The following RCSD1 variants were observed in gnomAD, a reference collection of about 807,000 sequenced individuals.
RCSD1 encodes capZ-interacting protein.
A neutral mutation model predicts 42.5 loss-of-function variants in RCSD1; 26 were observed. The ratio of observed to expected loss-of-function variants is 0.61; its 90% confidence interval spans 0.45 to 0.85. The LOEUF (loss-of-function observed/expected upper bound fraction) is 0.85. Among genes scored for constraint, RCSD1 ranks in the 40% least tolerant of loss-of-function variants. The probability of loss-of-function intolerance (pLI) is 0.00; values close to 1 mark genes in which losing one functional copy is unlikely to be tolerated. For missense variants in RCSD1, 571 were observed against 528.3 expected (o/e 1.08, Z -0.79); for synonymous variants, 220 against 212.2 (o/e 1.04, Z -0.32).
intron 3 of RCSD1, among the ~76,000 whole-genome samples, chr1:167,687,140 C>T (rs1031752140): frequency 5.9e-5 from 9 of 152,160 alleles, no homozygotes; most frequent in African/African-American, 1.7e-4. Flanking sequence ...AGTCCAAGGG[C>T]GGATTTTAGA....
chr1:167,649,974 C>A (rs958740694), intron 1 of RCSD1, among the ~76,000 whole-genome samples: 4 of 152,108 alleles, frequency 2.6e-5, no homozygotes, highest in Non-Finnish European at 5.9e-5. Context: ...GGGAACCAAG[C>A]AAGTGTTAAC....
intron 3 of RCSD1, 38 bp downstream of exon 3, chr1:167,685,548 G>A (rs1659213201): frequency 7.7e-6 from 12 of 1,562,248 alleles, no homozygotes; most frequent in Non-Finnish European, 1.1e-5. Flanking sequence ...ATGCTGTGAT[G>A]GGTTTTCTTT....
Position 167,698,925 on chromosome 1 carries a change from G to A in RCSD1, c.1218+1083G>A, listed in dbSNP as rs146664637. ...CGCCATTCTCCTGCCTCAGCCTCCC[G>A]AGTAGCTGGGACCACAGGCGCCCGC... On this transcript the variant is annotated intron_variant, in intron 6 of 6. Transcript: ENST00000367854. Among the ~76,000 whole-genome samples, 1,310 of 151,836 alleles carry A rather than the reference G, an allele frequency of 8.6e-3. 22 individuals carry two copies. Among genetic ancestry groups the A allele is most frequent in the African/African-American group, 0.028 (1,147 of 41,394 alleles).
chr1:167,640,938 T>C (rs944100810), intron 1 of RCSD1, among the ~76,000 whole-genome samples: 5 of 152,198 alleles, frequency 3.3e-5, no homozygotes, highest in South Asian at 2.1e-4. Flanking sequence ...AACTTGGGGA[T>C]TGGAGGAGTG....
chr1:167,672,307 T>C (rs960540306), intron 1 of RCSD1, among the ~76,000 whole-genome samples: 26 of 152,226 alleles, frequency 1.7e-4, no homozygotes, highest in African/African-American at 6.3e-4. Flanking sequence ...TGCAAATACT[T>C]GACCGACTGA....
intron 1 of RCSD1, 44 bp downstream of exon 1, chr1:167,630,473 T>C (rs371440832): frequency 7.2e-5 from 109 of 1,509,024 alleles, no homozygotes; most frequent in Non-Finnish European, 9.3e-5. Context: ...CGGTGAGCGG[T>C]GTATCGGGCG....
At chr1:167,689,904 T>G in intron 3 of RCSD1, 145 bp from the exon 4 acceptor site, 1 of 712,908 alleles carries the variant, frequency 1.4e-6, no homozygotes, top group Non-Finnish European at 2.4e-6. Flanking sequence ...GCCCAGGCCC[T>G]AATGAAGTAT....
intron 3 of RCSD1, among the ~76,000 whole-genome samples, chr1:167,688,328 G>A (rs1266651867): frequency 6.6e-6 from 1 of 152,110 alleles, no homozygotes; most frequent in African/African-American, 2.4e-5. Flanking sequence ...CAAAATTGTT[G>A]CTGCAGTTTC....
At chr1:167,672,761 G>A (rs183537503) in intron 1 of RCSD1, among the ~76,000 whole-genome samples, 12 of 152,288 alleles carry the variant, frequency 7.9e-5, no homozygotes, top group African/African-American at 2.6e-4. Flanking sequence ...CAGGGACTAG[G>A]ATGAGGACAT....
Position 167,653,334 on chromosome 1 carries a change from C to T in RCSD1, c.6+22905C>T, listed in dbSNP as rs143780455. ...TAATTTTCCTTAGCAAGCTTCTACCCTGGCAGCCCTTGCCTCCACAAAATC... is the reference window on the plus strand; with the variant it reads ...TAATTTTCCTTAGCAAGCTTCTACCTTGGCAGCCCTTGCCTCCACAAAATC... On this transcript the variant is annotated intron_variant, in intron 1 of 6. Coordinates refer to ENST00000367854, the MANE Select transcript of RCSD1 (RefSeq NM_052862.4). Among the ~76,000 whole-genome samples, 1,305 of 152,334 alleles carry T rather than the reference C, an allele frequency of 8.6e-3. 14 individuals carry two copies. The highest frequency in any genetic ancestry group is 0.03 in the African/African-American group (1,249 of 41,574).
chr1:167,644,501 A>C (rs1658084601), intron 1 of RCSD1, among the ~76,000 whole-genome samples: 1 of 149,602 alleles, frequency 6.7e-6, no homozygotes, highest in African/African-American at 2.5e-5. Flanking sequence ...ACATACATAC[A>C]TACATACATA....
At chr1:167,694,002 T>A (rs1390290607) in intron 4 of RCSD1, 97 bp from the exon 5 acceptor site, 2 of 1,165,494 alleles carry the variant, frequency 1.7e-6, no homozygotes, top group East Asian at 4.7e-5. Context: ...TGTTACCTAG[T>A]CTCAACCAGG....
chr1:167,689,566 TC>T (rs1659324662), intron 3 of RCSD1, among the ~76,000 whole-genome samples: 1 of 151,856 alleles, frequency 6.6e-6, no homozygotes, highest in South Asian at 2.1e-4. Flanking sequence ...AATCATGCCA[TC>T]GATGGGATTT....
At chr1:167,666,000 C>T (rs950364456) in intron 1 of RCSD1, among the ~76,000 whole-genome samples, 5 of 152,062 alleles carry the variant, frequency 3.3e-5, no homozygotes, top group African/African-American at 9.7e-5. Context: ...TTAGTCGAGA[C>T]GGGGTTTGGC....
At chr1:167,651,629 TCC>T (rs1257580837) in intron 1 of RCSD1, among the ~76,000 whole-genome samples, 1 of 152,216 alleles carries the variant, frequency 6.6e-6, no homozygotes, top group Non-Finnish European at 1.5e-5. Context: ...GGCCTGTTGC[TCC>T]TGCTGGTCCC....
At chr1:167,658,235 A>T (rs28641715) in intron 1 of RCSD1, among the ~76,000 whole-genome samples, 2,230 of 152,322 alleles carry the variant, frequency 0.015, 52 homozygotes, top group African/African-American at 0.051. Flanking sequence ...TCTGTAGGAT[A>T]CTTTACATTC....
chr1:167,704,683 A>C lies in RCSD1; in HGVS notation c.1238A>C (p.Asp413Ala), dbSNP rs1381677512. 1 of 1,612,962 alleles carries C rather than the reference A, an allele frequency of 6.2e-7. No homozygotes were observed. Among genetic ancestry groups the C allele is most frequent in the Non-Finnish European group, 8.5e-7 (1 of 1,179,234 alleles). ...TCACAGGATGACACTCCTGTCCAGG[A>C]CACTAAAATGTGAAGAACAGCTCAT... ...PKPEDDTPVQ[D>A]TKM The change falls in exon 7 of 7, where the codon GAC becomes GCC. Residue 413 changes from aspartate to alanine, a missense_variant. Asp to Ala is a moderately radical substitution (Grantham distance 126). Coordinates refer to ENST00000367854, the MANE Select transcript of RCSD1 (RefSeq NM_052862.4).
At position 167,683,976 on chromosome 1, in the gene RCSD1, G is replaced by A; in HGVS notation, c.83G>A (p.Arg28Lys). 2.5e-6 allele frequency: 4 copies of A among 1,613,968 alleles called. No individual in the cohort carries two copies. Among genetic ancestry groups the A allele is most frequent in the Non-Finnish European group, 3.4e-6 (4 of 1,180,030 alleles). The change falls in exon 2 of 7, where the codon AGG becomes AAG. Residue 28 changes from arginine (R) to lysine (K), a missense_variant. Coordinates refer to ENST00000367854, the MANE Select transcript of RCSD1 (RefSeq NM_052862.4). ...GTGGCCCAGCTGGCCGGGCGGTTTAGGGAGCAGGCGGCTGCAGCCAAGGAG... is the reference window on the plus strand; with the variant it reads ...GTGGCCCAGCTGGCCGGGCGGTTTAAGGAGCAGGCGGCTGCAGCCAAGGAG... ...PSVAQLAGRF[R>K]EQAAAAKETP...
At chr1:167,665,817 CTT>C (rs142368868) in intron 1 of RCSD1, among the ~76,000 whole-genome samples, 3 of 145,746 alleles carry the variant, frequency 2.1e-5, no homozygotes, top group Admixed American at 6.8e-5. Flanking sequence ...TGATGAGCAC[CTT>C]TTTTTTTTTT....
Sources: allele counts gnomAD v4.1 joint callset (sites outside exome capture counted in the v4.1 genomes callset), GRCh38; gene constraint gnomAD v4.1.1; transcripts MANE v1.5; gene names NCBI Gene and HGNC (gene_info 2026-07-23, HGNC 2026-07-21).